The following IQSEC1 variants were observed in gnomAD, a reference collection of about 807,000 sequenced individuals.
The protein encoded by IQSEC1 is IQ motif and SEC7 domain-containing protein 1.
IQSEC1 carries 31 observed loss-of-function variants against 91.0 expected under a neutral mutation model. That is an observed-to-expected ratio of 0.34 (90% CI 0.26 to 0.46). The LOEUF (loss-of-function observed/expected upper bound fraction) is 0.46, where lower values mean the gene tolerates loss of function less well. IQSEC1 is among the 20% of genes least tolerant of loss of function. The pLI is 1.00. For synonymous variants in IQSEC1, 699 were observed against 662.6 expected (o/e 1.05, Z -0.84); for missense variants, 1,388 against 1,575.6 (o/e 0.88, Z 2.02).
At chr3:13,241,004 G>T (rs1464130526) in intron 1 of IQSEC1, among the ~76,000 whole-genome samples, 1 of 152,204 alleles carries the variant, frequency 6.6e-6, no homozygotes, top group Non-Finnish European at 1.5e-5. Flanking sequence ...CTGTTTGGCA[G>T]TGCACAGGTG....
At position 12,924,456 on chromosome 3, in the gene IQSEC1, A is replaced by T. The variant is rs1011541105; in HGVS notation, c.1730+125T>A. 9.3e-6 allele frequency: 9 copies of T among 965,008 alleles called. No homozygotes were observed. Among genetic ancestry groups the T allele is most frequent in the Middle Eastern group, 2.2e-4 (1 of 4,514 alleles). 59.8% of individuals were successfully genotyped at this position (965,008 alleles called of 1,614,324 possible). A position where few individuals can be genotyped will look rare whatever the true frequency, so the allele number is the denominator to read the frequency against. ...GTGTCTAGGACTTAGGAAGAGAGAA[A>T]GGGGGGCCCACCACATGTCCCAGCA... is the stretch of plus-strand genomic sequence containing the variant. On this transcript the variant is annotated intron_variant, in intron 4 of 13. Coordinates refer to ENST00000613206, the MANE Select transcript of IQSEC1 (RefSeq NM_001134382.3). The surrounding 1 kb of genome is among the most constrained non-coding windows in gnomAD (Gnocchi z 6.3).
chr3:13,196,602 G>A (rs902969447), intron 1 of IQSEC1, among the ~76,000 whole-genome samples: 1 of 152,240 alleles, frequency 6.6e-6, no homozygotes, highest in Non-Finnish European at 1.5e-5. Context: ...GGAGGGCTGC[G>A]TGAGCAGCCT....
rs1681934669 is a variant in IQSEC1, at chr3:12,909,767, T to C, written c.2417-333A>G. The stretch of plus-strand genomic sequence containing the variant: ...TAGTCATCTCAGTTCTGGACAGCAG[T>C]GAGCGCCATATTCTCCCGAATGGCC... On this transcript the variant is annotated intron_variant, in intron 10 of 13. Coordinates refer to ENST00000613206, the MANE Select transcript of IQSEC1 (RefSeq NM_001134382.3). This position sits in a 1 kb window ranked among gnomAD's most constrained non-coding sequence, Gnocchi z 4.9. Among the ~76,000 whole-genome samples, 1 of 152,228 alleles carries C rather than the reference T, an allele frequency of 6.6e-6. No individual in the cohort carries two copies. The highest frequency in any genetic ancestry group is 2.1e-4 in the South Asian group (1 of 4,834).
chr3:13,078,396 G>A (rs917562777), upstream of IQSEC1, among the ~76,000 whole-genome samples: 2 of 152,166 alleles, frequency 1.3e-5, no homozygotes, highest in Admixed American at 6.5e-5. Flanking sequence ...GGGCCCCTGC[G>A]TGCAGAGACA....
intron 1 of IQSEC1, among the ~76,000 whole-genome samples, chr3:13,238,897 C>CT (rs1387471672): frequency 6.6e-6 from 1 of 152,216 alleles, no homozygotes. Flanking sequence ...CATGCTTCTC[C>CT]TAAGGAGCTG....
chr3:13,101,145 G>C (rs1297586395), intron 2 of IQSEC1, among the ~76,000 whole-genome samples: 1 of 152,166 alleles, frequency 6.6e-6, no homozygotes, highest in Admixed American at 6.5e-5. Flanking sequence ...CCATGGGAGG[G>C]CTTCAAGCCT....
rs529420827 is a variant in IQSEC1, at chr3:13,212,898, G to A, written c.273-48765C>T. Among the ~76,000 whole-genome samples the A allele has an allele frequency of 3.3e-5, 5 of 152,242 alleles. No homozygotes were observed. The East Asian group carries it at 9.6e-4, about 29-fold the overall frequency. ...TCATTGCTTTGACTGCTTTTTAGTT[G>A]AGTTGTCTTTTTGTTATTGAGTTAT... On this transcript the variant is annotated intron_variant, in intron 1 of 15. Coordinates refer to the IQSEC1 transcript ENST00000648114.
intron 1 of IQSEC1, among the ~76,000 whole-genome samples, chr3:13,030,702 A>C (rs1036530089): frequency 2.0e-5 from 3 of 152,258 alleles, no homozygotes; most frequent in Non-Finnish European, 4.4e-5. Flanking sequence ...AGACACGTGC[A>C]CTGTGTGGGT....
intron 1 of IQSEC1, among the ~76,000 whole-genome samples, chr3:13,053,980 G>C (rs1018728661): frequency 4.0e-5 from 6 of 151,726 alleles, no homozygotes; most frequent in Admixed American, 3.3e-4. Context: ...ATGTGTTTTA[G>C]TTACACAAAA....
At chr3:13,136,752 A>G (rs1706717479) in intron 2 of IQSEC1, among the ~76,000 whole-genome samples, 1 of 152,226 alleles carries the variant, frequency 6.6e-6, no homozygotes, top group African/African-American at 2.4e-5. Flanking sequence ...AAAATGAGAC[A>G]TCTCACAGGA....
At chr3:13,273,337 G>C (rs1412227135) in intron 1 of IQSEC1, among the ~76,000 whole-genome samples, 1 of 152,300 alleles carries the variant, frequency 6.6e-6, no homozygotes, top group African/African-American at 2.4e-5. Context: ...CCTCCCTCAA[G>C]GTGAAAGAGG....
chr3:13,200,562 C>A (rs1254205912), intron 1 of IQSEC1, among the ~76,000 whole-genome samples: 2 of 152,198 alleles, frequency 1.3e-5, no homozygotes, highest in South Asian at 4.1e-4. Flanking sequence ...GTGAACTGAG[C>A]GCCCCAGGTC....
At position 12,970,890 on chromosome 3, in the gene IQSEC1, C is replaced by A. The variant is rs1027312970; in HGVS notation, c.24-29025G>T. Among the ~76,000 whole-genome samples, 1 of 152,240 alleles carries A rather than the reference C, an allele frequency of 6.6e-6. No homozygotes were observed. Among genetic ancestry groups the A allele is most frequent in the African/African-American group, 2.4e-5 (1 of 41,470 alleles). On this transcript the variant is annotated intron_variant, in intron 1 of 13. Transcript: ENST00000613206. The surrounding 1 kb of genome is among the most constrained non-coding windows in gnomAD (Gnocchi z 4.4). ...AGGGCTGGTTCTATGTCCTTCCCTGCAGCAGCCCCTGTGCCGACAGTGGAG... is the reference window on the plus strand; with the variant it reads ...AGGGCTGGTTCTATGTCCTTCCCTGAAGCAGCCCCTGTGCCGACAGTGGAG...
At position 12,915,651 on chromosome 3, in the gene IQSEC1, A is replaced by G; in HGVS notation, c.2103T>C (p.Asn701=). Residue 701 remains asparagine (N), a synonymous_variant, in exon 7 of 14, where the codon AAT becomes AAC. Transcript: ENST00000613206. Reference sequence around the variant, plus strand: ...TCTGCACCTGGGACACATGGTCCTCATTGGTCTTTAGCTCTCGCTTACGGA... The same window carrying G: ...TCTGCACCTGGGACACATGGTCCTCGTTGGTCTTTAGCTCTCGCTTACGGA... The part of the protein sequence containing the change: ...ERIRKRELKT[N]EDHVSQVQKV... 1.2e-6 allele frequency: 2 copies of G among 1,614,102 alleles called. No homozygotes were observed. The highest frequency in any genetic ancestry group is 1.7e-6 in the Non-Finnish European group (2 of 1,180,002).
chr3:13,167,891 G>C (rs762258826), intron 1 of IQSEC1, among the ~76,000 whole-genome samples: 13 of 152,222 alleles, frequency 8.5e-5, no homozygotes, highest in Admixed American at 8.5e-4. Context: ...AATGTTCTCA[G>C]CTTCTCTGGG....
At chr3:13,135,891 G>C (rs146902754) in intron 2 of IQSEC1, among the ~76,000 whole-genome samples, 7 of 152,198 alleles carry the variant, frequency 4.6e-5, no homozygotes, top group African/African-American at 1.7e-4. Flanking sequence ...CCTCCTGTGC[G>C]CAGACCCCGT....
At chr3:12,963,837 C>A (rs1700390893) in intron 1 of IQSEC1, among the ~76,000 whole-genome samples, 1 of 152,210 alleles carries the variant, frequency 6.6e-6, no homozygotes, top group African/African-American at 2.4e-5. Flanking sequence ...TAAAGGAACA[C>A]AGGAAAGTGA....
At chr3:12,902,598 A>G (rs116669655) in intron 13 of IQSEC1, among the ~76,000 whole-genome samples, 175 bp downstream of exon 13, 3,915 of 140,402 alleles carry the variant, frequency 0.028, 161 homozygotes, top group African/African-American at 0.088. Flanking sequence ...AGGCAGGGGC[A>G]GGGAGTGGGT....
At chr3:13,043,135 G>A (rs146575128) in intron 1 of IQSEC1, among the ~76,000 whole-genome samples, 2,102 of 152,286 alleles carry the variant, frequency 0.014, 58 homozygotes, top group African/African-American at 0.047. Flanking sequence ...GCTGCCGGCA[G>A]GGGAATCCTG....
Sources: allele counts gnomAD v4.1 joint callset (sites outside exome capture counted in the v4.1 genomes callset), GRCh38; gene constraint gnomAD v4.1.1; non-coding constraint Gnocchi (gnomAD v3.1); transcripts MANE v1.5; gene names NCBI Gene and HGNC (gene_info 2026-07-23, HGNC 2026-07-21).